PID1: variants seen among roughly 807,000 people sequenced by gnomAD.
PID1 encodes the protein phosphotyrosine interaction domain containing 1.
Under a neutral mutation model 19.1 loss-of-function variants are expected in PID1, and 10 were observed. The ratio of observed to expected loss-of-function variants is 0.52; its 90% CI spans 0.32 to 0.89. The LOEUF is 0.89. Ranked by LOEUF, PID1 falls within the 40% of genes least tolerant of loss-of-function variation. The pLI, the probability that PID1 is intolerant of heterozygous loss-of-function variation, is 0.03. For synonymous variants in PID1, 130 were observed against 116.0 expected (o/e 1.12, Z -0.78); for missense variants, 248 against 285.3 (o/e 0.87, Z 0.94).
intron 2 of PID1, among the ~76,000 whole-genome samples, chr2:229,093,760 TA>T (rs1049904710): frequency 3.0e-5 from 2 of 67,270 alleles, no homozygotes; most frequent in Non-Finnish European, 4.2e-5. Flanking sequence ...GGCTTTATGA[TA>T]AAAAAAAGAA....
At chr2:229,191,784 G>C (rs1195127692) in intron 1 of PID1, among the ~76,000 whole-genome samples, 1 of 152,146 alleles carries the variant, frequency 6.6e-6, no homozygotes, top group African/African-American at 2.4e-5. Flanking sequence ...ATCAACTAAA[G>C]AGCAGGCTCA....
At chr2:229,073,890 C>T (rs895268024) in intron 2 of PID1, among the ~76,000 whole-genome samples, 4 of 152,046 alleles carry the variant, frequency 2.6e-5, no homozygotes, top group Non-Finnish European at 4.4e-5. Context: ...TTTTAGAGGC[C>T]GCACAATGGT....
In PID1 at chr2:229,270,996, C is replaced by CT; in HGVS notation, c.30+17dup. 7.2e-7 allele frequency: 1 copy of CT among 1,385,916 alleles called. No homozygotes were observed. Among genetic ancestry groups the CT allele is most frequent in the South Asian group, 1.3e-5 (1 of 78,164 alleles). 85.9% of individuals were successfully genotyped at this position (1,385,916 alleles called of 1,614,324 possible). ...CCTCCTCCTCCAGGCTGGCCCCCGG[C>CT]TCCCGGGTGCCCCTTACCTGCAGGC... On this transcript the variant is annotated intron_variant, in intron 1 of 2. Coordinates refer to ENST00000392055, the MANE Select transcript of PID1 (RefSeq NM_001100818.2).
chr2:229,175,737 C>G (rs1234521280), intron 1 of PID1, among the ~76,000 whole-genome samples: 1 of 152,172 alleles, frequency 6.6e-6, no homozygotes, highest in African/African-American at 2.4e-5. Context: ...ACACACCCAG[C>G]CCATGCCATG....
intron 1 of PID1, among the ~76,000 whole-genome samples, chr2:229,244,667 C>G (rs1352952589): frequency 6.6e-6 from 1 of 152,070 alleles, no homozygotes; most frequent in Non-Finnish European, 1.5e-5. Context: ...GCATTTATTA[C>G]AAACACAAGA....
chr2:229,170,433 G>A (rs1468764566), intron 1 of PID1, among the ~76,000 whole-genome samples: 3 of 152,074 alleles, frequency 2.0e-5, no homozygotes. Flanking sequence ...ACATAGAAGA[G>A]TAACTGGCAC....
intron 2 of PID1, among the ~76,000 whole-genome samples, chr2:229,060,471 T>C (rs1412882967): frequency 6.6e-6 from 1 of 152,196 alleles, no homozygotes; most frequent in African/African-American, 2.4e-5. Context: ...AAAGGCTGAA[T>C]AGTATTCCAT....
intron 2 of PID1, among the ~76,000 whole-genome samples, chr2:229,114,744 C>T (rs920512592): frequency 4.6e-5 from 7 of 152,180 alleles, no homozygotes; most frequent in Non-Finnish European, 1.0e-4. Context: ...AAAATCAACA[C>T]CTCCTTGTTT....
chr2:229,144,387 T>C (rs1690082314), intron 2 of PID1, among the ~76,000 whole-genome samples: 1 of 152,238 alleles, frequency 6.6e-6, no homozygotes, highest in African/African-American at 2.4e-5. Context: ...CACTATGTCA[T>C]ATAACCGGGT....
chr2:229,050,838 A>G (rs1351195171), intron 2 of PID1, among the ~76,000 whole-genome samples: 1 of 109,102 alleles, frequency 9.2e-6, no homozygotes, highest in Non-Finnish European at 1.8e-5. Context: ...AAAACAAAAC[A>G]AAAACAACAA....
At chr2:229,115,127 C>T (rs552374569) in intron 2 of PID1, among the ~76,000 whole-genome samples, 1 of 152,090 alleles carries the variant, frequency 6.6e-6, no homozygotes, top group East Asian at 1.9e-4. Flanking sequence ...CCAAAACAAG[C>T]AGCTACACTC....
At chr2:229,034,179 A>G (rs1693612329) in intron 2 of PID1, among the ~76,000 whole-genome samples, 1 of 152,216 alleles carries the variant, frequency 6.6e-6, no homozygotes, top group Non-Finnish European at 1.5e-5. Context: ...TTGTCGGCAC[A>G]ATAATAAATT....
chr2:229,027,133 C>T (rs1264006487), intron 2 of PID1, among the ~76,000 whole-genome samples: 1 of 152,124 alleles, frequency 6.6e-6, no homozygotes, highest in Non-Finnish European at 1.5e-5. Flanking sequence ...TGAGAGGGGA[C>T]ATTTGGTCAG....
intron 2 of PID1, among the ~76,000 whole-genome samples, chr2:229,030,776 T>C (rs1693532181): frequency 6.6e-6 from 1 of 152,196 alleles, no homozygotes; most frequent in Non-Finnish European, 1.5e-5. Flanking sequence ...TATAAATATG[T>C]ATTACCTATA....
At chr2:229,092,379 A>C (rs571293604) in intron 2 of PID1, among the ~76,000 whole-genome samples, 5 of 152,326 alleles carry the variant, frequency 3.3e-5, no homozygotes, top group African/African-American at 1.2e-4. Flanking sequence ...GGGCATAGGC[A>C]ACTCAACTAA....
intron 2 of PID1, among the ~76,000 whole-genome samples, chr2:229,067,165 G>A (rs1694345236): frequency 6.6e-6 from 1 of 152,044 alleles, no homozygotes; most frequent in African/African-American, 2.4e-5. Flanking sequence ...AAAACCATTA[G>A]CTCTCATAAG....
chr2:229,244,117 TG>T (rs1316522856), intron 1 of PID1, among the ~76,000 whole-genome samples: 1 of 152,150 alleles, frequency 6.6e-6, no homozygotes, highest in Non-Finnish European at 1.5e-5. Context: ...AAACAAAATA[TG>T]TTATTTTTTA....
At chr2:229,208,058 T>G (rs965326038) in intron 1 of PID1, among the ~76,000 whole-genome samples, 2 of 152,192 alleles carry the variant, frequency 1.3e-5, no homozygotes, top group African/African-American at 2.4e-5. Context: ...GATTTGTTTT[T>G]CTCTTTTAAT....
rs866131500 is a variant in PID1 at position 229,155,895 on chromosome 2, T to C, written c.100A>G (p.Ile34Val). The change falls in exon 2 of 3, where the codon ATC becomes GTC. Residue 34 changes from isoleucine (I) to valine (V), a missense_variant. Physicochemically the swap from Ile to Val is conservative, Grantham distance 29. Coordinates refer to ENST00000392055, the MANE Select transcript of PID1 (RefSeq NM_001100818.2). ...TLKKEPLPAV[I>V]FHEPEAIELC... ...TCAATGGCCTCCGGCTCATGGAAGA[T>C]GACCGCTGGGAGAGGTTCCTTTTTC... 7.4e-6 allele frequency: 12 copies of C among 1,613,880 alleles called. No homozygotes were observed. In the African/African-American group the frequency reaches 1.1e-4, roughly 14 times the overall value.
Sources: gnomAD v4.1 joint callset for allele counts (sites outside exome capture counted in the v4.1 genomes callset) on GRCh38, gnomAD v4.1.1 for gene constraint, MANE v1.5 for transcripts, NCBI Gene and HGNC (gene_info 2026-07-23, HGNC 2026-07-21) for gene names.